The following SKP2 variants were observed in gnomAD, a reference collection of about 807,000 sequenced individuals.
The protein encoded by SKP2 is S-phase kinase associated protein 2, also known as S-phase kinase-associated protein 2.
Under a neutral mutation model 51.8 loss-of-function variants are expected in SKP2, and 16 were observed. The observed-to-expected ratio is 0.31, with a 90% CI of 0.21 to 0.47. The LOEUF is 0.47. SKP2 is among the 20% of genes least tolerant of loss of function. SKP2 has a pLI of 1.00. For synonymous variants in SKP2, 176 were observed against 198.6 expected, an observed-to-expected ratio of 0.89 and a Z score of 0.96; for missense variants, 377 against 505.3, an observed-to-expected ratio of 0.75 and a Z score of 2.43.
At chr5:36,189,659 C>T (rs934547007) in intron 6 of SKP2, among the ~76,000 whole-genome samples, 16 of 152,314 alleles carry the variant, frequency 1.1e-4, no homozygotes, top group East Asian at 9.6e-4. Context: ...TTAGGCTGCT[C>T]GGGGGTCAGG....
At chr5:36,176,585 T>C (rs1393933298) in intron 7 of SKP2, among the ~76,000 whole-genome samples, 1 of 151,938 alleles carries the variant, frequency 6.6e-6, no homozygotes, top group African/African-American at 2.4e-5. Flanking sequence ...TTCTTTTTAC[T>C]GATCCATTAT....
In SKP2 at chr5:36,181,889, T is replaced by A; in HGVS notation, c.1133T>A (p.Leu378Gln). ...FGIVPDGTLQ[L>Q]LKEALPHLQI... ...ATCGTGCCAGATGGTACCCTTCAAC[T>A]GTTAAAGGAAGCCCTTCCTCATCTA... The change falls in exon 10 of 10, where the codon CTG (leucine) becomes CAG (glutamine). Residue 378 changes from leucine (L) to glutamine (Q), a missense_variant. This residue lies in a region of SKP2 where 262 missense variants were observed against 389.8 expected (regional missense o/e 0.67). Transcript: ENST00000274255. 1 of 1,614,132 alleles carries A rather than the reference T, an allele frequency of 6.2e-7. No homozygotes were observed. Among genetic ancestry groups the A allele is most frequent in the Non-Finnish European group, 8.5e-7 (1 of 1,180,010 alleles).
At position 36,183,757 on chromosome 5, in the gene SKP2, G is replaced by A. The variant is rs1745890472; in HGVS notation, c.*1726G>A. The A allele has an allele frequency of 6.9e-7, 1 of 1,454,498 alleles. No individual in the cohort carries two copies. Among genetic ancestry groups the A allele is most frequent in the African/African-American group, 1.4e-5 (1 of 69,268 alleles). 90.1% of individuals were successfully genotyped at this position (1,454,498 alleles called of 1,614,324 possible). On this transcript the variant is annotated 3_prime_UTR_variant, in exon 10 of 10. Transcript: ENST00000274255. ...GCTTAGACCTAAGGAAGATTTTAAA[G>A]TTGGGTTGCACAGGAAATGATGATG...
Position 36,152,819 on chromosome 5 carries a change from C to T in SKP2, c.57C>T (p.Ser19=), listed in dbSNP as rs1292109733. 1 of 1,614,084 alleles carries T rather than the reference C, an allele frequency of 6.2e-7. No individual in the cohort carries two copies. The highest frequency in any genetic ancestry group is 1.7e-5 in the Admixed American group (1 of 60,030). The change falls in exon 2 of 10, where the codon AGC becomes AGT. Residue 19 remains serine (S), a synonymous_variant. Coordinates refer to ENST00000274255, the MANE Select transcript of SKP2 (RefSeq NM_005983.4). ...ACCTGAGTAGCAACGTTGCCACCAGCTTCACGTGGGGATGGGATTCCAGCA... is the reference window on the plus strand; with the variant it reads ...ACCTGAGTAGCAACGTTGCCACCAGTTTCACGTGGGGATGGGATTCCAGCA... ...IPDLSSNVAT[S]FTWGWDSSKT... is the part of the protein sequence containing the mutation.
downstream of SKP2, among the ~76,000 whole-genome samples, chr5:36,185,807 G>T (rs1439659269): frequency 6.6e-6 from 1 of 152,204 alleles, no homozygotes; most frequent in Admixed American, 6.5e-5. Context: ...TTGGTAGCTT[G>T]ATGGGGATGG....
chr5:36,159,297 G>A (rs1030560000), intron 2 of SKP2, among the ~76,000 whole-genome samples: 5 of 152,150 alleles, frequency 3.3e-5, no homozygotes, highest in Non-Finnish European at 7.4e-5. Context: ...TTTTCCTCTA[G>A]CACTTTAATT....
chr5:36,156,774 G>A (rs1372325373), intron 2 of SKP2, among the ~76,000 whole-genome samples: 1 of 152,136 alleles, frequency 6.6e-6, no homozygotes, highest in African/African-American at 2.4e-5. Flanking sequence ...GTGGTTGTCA[G>A]ACTGGAGATA....
intron 9 of SKP2, among the ~76,000 whole-genome samples, chr5:36,180,882 C>T (rs1029803309): frequency 6.6e-6 from 1 of 152,028 alleles, no homozygotes; most frequent in African/African-American, 2.4e-5. Context: ...GTTGAAATTC[C>T]AAAATAAATG....
At chr5:36,171,527 C>T in intron 6 of SKP2, 76 bp from the exon 7 acceptor site, 1 of 1,301,946 alleles carries the variant, frequency 7.7e-7, no homozygotes, top group South Asian at 1.3e-5. Context: ...TTTATATTTT[C>T]TTTGTTTGCA....
At chr5:36,165,445 G>A (rs1229281180) in intron 3 of SKP2, among the ~76,000 whole-genome samples, 1 of 152,152 alleles carries the variant, frequency 6.6e-6, no homozygotes, top group Non-Finnish European at 1.5e-5. Flanking sequence ...TTGAATGCTG[G>A]TTAAGCTATA....
chr5:36,152,232 C>T lies in SKP2; in HGVS notation c.-31C>T, dbSNP rs758781665. 6.8e-6 allele frequency: 11 copies of T among 1,612,802 alleles called. No homozygotes were observed. Among genetic ancestry groups the T allele is most frequent in the African/African-American group, 1.3e-5 (1 of 74,890 alleles). On this transcript the variant is annotated 5_prime_UTR_variant, in exon 1 of 10. The change creates a new upstream start codon in the 5' untranslated region. Coordinates refer to ENST00000274255, the MANE Select transcript of SKP2 (RefSeq NM_005983.4). ...GGCGAGCAGCTCTGCAGTTAATGCA[C>T]GTATTTTAAACTCCCGGGCCTGCGG...
intron 9 of SKP2, among the ~76,000 whole-genome samples, chr5:36,179,279 G>A (rs893502061): frequency 1.3e-5 from 2 of 152,018 alleles, no homozygotes; most frequent in Non-Finnish European, 2.9e-5. Context: ...AATCATTTTG[G>A]CAGCTGATAT....
chr5:36,189,728 C>A (rs1040139842), intron 6 of SKP2, among the ~76,000 whole-genome samples: 8 of 152,202 alleles, frequency 5.3e-5, no homozygotes, highest in African/African-American at 1.7e-4. Context: ...GCTGGGAGAA[C>A]CACTACTCTC....
At chr5:36,176,501 CTTA>C (rs1281348628) in intron 7 of SKP2, among the ~76,000 whole-genome samples, 4 of 151,094 alleles carry the variant, frequency 2.6e-5, no homozygotes, top group Admixed American at 2.6e-4. Flanking sequence ...GTATTTAGAA[CTTA>C]TTATGTGGAA....
intron 2 of SKP2, among the ~76,000 whole-genome samples, chr5:36,162,119 A>ACTTACG (rs151208772): frequency 0.03 from 4,616 of 152,208 alleles, 116 homozygotes; most frequent in Non-Finnish European, 0.046. Context: ...TCCTTTTTGA[A>ACTTACG]CTTACGTGAG....
chr5:36,192,193 T>C (rs1746041870), intron 6 of SKP2, among the ~76,000 whole-genome samples: 1 of 152,234 alleles, frequency 6.6e-6, no homozygotes, highest in Non-Finnish European at 1.5e-5. Flanking sequence ...CACTGACTTA[T>C]GCCCCAATCC....
chr5:36,186,137 C>T (rs188006946), downstream of SKP2, among the ~76,000 whole-genome samples: 40 of 152,316 alleles, frequency 2.6e-4, 1 homozygote, highest in East Asian at 6.8e-3. Context: ...TGCTTATCAG[C>T]TTAAGGAGAT....
intron 2 of SKP2, among the ~76,000 whole-genome samples, chr5:36,154,631 C>A (rs1380683281): frequency 6.6e-6 from 1 of 152,198 alleles, no homozygotes; most frequent in African/African-American, 2.4e-5. Context: ...TGGATTCGAA[C>A]GATTCTCCTG....
chr5:36,166,588 G>A lies in SKP2; in HGVS notation c.462G>A (p.Arg154=), dbSNP rs760282839. 6 of 1,613,770 alleles carry A rather than the reference G, an allele frequency of 3.7e-6. No homozygotes were observed. Among genetic ancestry groups the A allele is most frequent in the African/African-American group, 2.7e-5 (2 of 74,904 alleles). The change falls in exon 4 of 10, where the codon CGG becomes CGA. Residue 154 remains arginine, a synonymous_variant. Coordinates refer to ENST00000274255, the MANE Select transcript of SKP2 (RefSeq NM_005983.4). ...GKNLHPDVTG[R]LLSQGVIAFR... is the part of the protein sequence containing the mutation. ...ATCTGCACCCGGATGTGACTGGTCG[G>A]TTGCTGTCTCAAGGGGTGATTGCCT...
Sources: allele counts gnomAD v4.1 joint callset (sites outside exome capture counted in the v4.1 genomes callset), GRCh38; gene constraint gnomAD v4.1.1; regional missense constraint gnomAD v4.1.1; transcripts MANE v1.5; gene names NCBI Gene and HGNC (gene_info 2026-07-23, HGNC 2026-07-21).